Variants in ERBB4 observed in about 807,000 individuals in gnomAD.
ERBB4 encodes the protein receptor tyrosine-protein kinase erbB-4.
ERBB4 carries 42 observed loss-of-function variants against 158.0 expected under a neutral mutation model. The observed-to-expected ratio is 0.27, with a 90% confidence interval of 0.21 to 0.34. The LOEUF (loss-of-function observed/expected upper bound fraction) is 0.34. Ranked by LOEUF, ERBB4 falls within the 10% of genes least tolerant of loss-of-function variation. The pLI is 1.00. For synonymous variants in ERBB4, 583 were observed against 558.7 expected (o/e 1.04, Z -0.61); for missense variants, 1,333 against 1,624.1 (o/e 0.82, Z 3.08).
chr2:211,613,390 G>A (rs960532069), intron 19 of ERBB4, among the ~76,000 whole-genome samples: 9 of 151,750 alleles, frequency 5.9e-5, no homozygotes, highest in African/African-American at 2.2e-4. Flanking sequence ...AACTAGAAAG[G>A]CAGGAGAATG....
intron 20 of ERBB4, among the ~76,000 whole-genome samples, chr2:211,443,285 T>C (rs1346914794): frequency 6.6e-6 from 1 of 152,126 alleles, no homozygotes; most frequent in Non-Finnish European, 1.5e-5. Context: ...CTAATGATGA[T>C]TTTTATTACA....
rs555566603 is a variant in ERBB4 at position 211,562,080 on chromosome 2, C to T, written c.2310G>A (p.Leu770=). The T allele has an allele frequency of 6.2e-7, 1 of 1,613,238 alleles. No individual in the cohort carries two copies. The highest frequency in any genetic ancestry group is 1.7e-5 in the Admixed American group (1 of 60,016). Residue 770 remains leucine, a synonymous_variant, in exon 20 of 28, where the codon CTG becomes CTA. Transcript: ENST00000342788. The part of the protein sequence containing the change: ...KANVEFMDEA[L]IMASMDHPHL... ...GTGGATGATCCATACTTGCCATGATCAGAGCTTCCTGTAAGAAAAAAATGC... is the reference window on the plus strand; with the variant it reads ...GTGGATGATCCATACTTGCCATGATTAGAGCTTCCTGTAAGAAAAAAATGC...
At chr2:211,477,947 G>T (rs544278411) in intron 20 of ERBB4, among the ~76,000 whole-genome samples, 1 of 152,254 alleles carries the variant, frequency 6.6e-6, no homozygotes, top group South Asian at 2.1e-4. Flanking sequence ...GGTTGAGAAA[G>T]CACTTCACCA....
At chr2:211,482,598 ACCG>A (rs1278506102) in intron 20 of ERBB4, among the ~76,000 whole-genome samples, 1 of 152,128 alleles carries the variant, frequency 6.6e-6, no homozygotes, top group Non-Finnish European at 1.5e-5. Context: ...TAAAAGCAAT[ACCG>A]AGGATAAAAA....
In ERBB4 at chr2:212,531,337, C is replaced by T. The variant is rs541155270; in HGVS notation, c.82+7112G>A. 3.9e-5 allele frequency among the ~76,000 whole-genome samples: 6 copies of T among 152,216 alleles called. No homozygotes were observed. In the East Asian group the frequency reaches 1.2e-3, roughly 29 times the overall value. ...GGTCAAAAATATTGCAGTCAAAAGG[C>T]CCAGAGGTAGCATCTTACAGAAGCC... On this transcript the variant is annotated intron_variant, in intron 1 of 27. Coordinates refer to ENST00000342788, the MANE Select transcript of ERBB4 (RefSeq NM_005235.3).
chr2:212,477,604 T>G (rs183046008), intron 1 of ERBB4, among the ~76,000 whole-genome samples: 52 of 152,292 alleles, frequency 3.4e-4, no homozygotes, highest in African/African-American at 1.1e-3. Flanking sequence ...TAAGAAAACA[T>G]GTTTTTAAAA....
At chr2:212,119,159 C>T (rs979115439) in intron 2 of ERBB4, among the ~76,000 whole-genome samples, 4 of 152,052 alleles carry the variant, frequency 2.6e-5, no homozygotes, top group African/African-American at 7.2e-5. Context: ...TTAATGTATA[C>T]TATTTCTAAA....
intron 2 of ERBB4, among the ~76,000 whole-genome samples, chr2:212,048,501 T>A (rs1282055279): frequency 6.6e-6 from 1 of 152,144 alleles, no homozygotes; most frequent in African/African-American, 2.4e-5. Flanking sequence ...GATAGTTTGT[T>A]TAGCAGTGGA....
At chr2:211,759,521 T>C (rs1297295208) in intron 4 of ERBB4, among the ~76,000 whole-genome samples, 2 of 152,040 alleles carry the variant, frequency 1.3e-5, no homozygotes, top group African/African-American at 4.8e-5. Flanking sequence ...TCTCCTGCTG[T>C]TCCTAGGACA....
In ERBB4 at chr2:211,772,955, A is replaced by ATATATATATTTTT. The variant is rs1553630145; in HGVS notation, c.556+15069_556+15070insAAAAATATATATA. 7.8e-4 allele frequency among the ~76,000 whole-genome samples: 65 copies of ATATATATATTTTT among 83,296 alleles called. 1 individual carries two copies. The East Asian group carries it at 0.018, about 23-fold the overall frequency. The allele number at this position is 83,296 out of a possible 152,430, so 54.6% of individuals were successfully genotyped here. On this transcript the variant is annotated intron_variant, in intron 4 of 27. Coordinates refer to ENST00000342788, the MANE Select transcript of ERBB4 (RefSeq NM_005235.3). Reference sequence around the variant, plus strand: ...TATATATATATATATATATATATATATTTTTTTTTTTAAAGATGGGGTCCT... The same window carrying ATATATATATTTTT: ...TATATATATATATATATATATATATATATATATATTTTTTTTTTTTTTTTAAAGATGGGGTCCT...
At chr2:211,806,306 G>C (rs1357433762) in intron 3 of ERBB4, among the ~76,000 whole-genome samples, 1 of 152,024 alleles carries the variant, frequency 6.6e-6, no homozygotes, top group African/African-American at 2.4e-5. Context: ...TTCTCAACAG[G>C]GACACCGTGT....
intron 2 of ERBB4, among the ~76,000 whole-genome samples, chr2:211,956,975 C>T (rs182654287): frequency 3.4e-4 from 52 of 152,106 alleles, no homozygotes; most frequent in Non-Finnish European, 5.0e-4. Flanking sequence ...AGGACTACAG[C>T]TACACAACAC....
At chr2:212,103,619 C>T (rs1418662408) in intron 2 of ERBB4, among the ~76,000 whole-genome samples, 1 of 151,908 alleles carries the variant, frequency 6.6e-6, no homozygotes, top group African/African-American at 2.4e-5. Context: ...AGGACATACA[C>T]CAAATTTTAA....
chr2:212,499,015 C>A (rs1690735804), intron 1 of ERBB4, among the ~76,000 whole-genome samples: 1 of 151,822 alleles, frequency 6.6e-6, no homozygotes. Context: ...ATTTAAAGAT[C>A]TTCATATAAT....
intron 3 of ERBB4, among the ~76,000 whole-genome samples, chr2:211,806,092 C>G (rs780615820): frequency 2.0e-5 from 3 of 151,716 alleles, no homozygotes; most frequent in Non-Finnish European, 4.4e-5. Context: ...TTTAATCGAG[C>G]CAAATAATTT....
At chr2:212,408,942 A>G (rs13429255) in intron 1 of ERBB4, among the ~76,000 whole-genome samples, 13,374 of 152,246 alleles carry the variant, frequency 0.088, 814 homozygotes, top group Non-Finnish European at 0.14. Context: ...GTAGTTTCTC[A>G]TATCAGCTAT....
chr2:211,549,936 G>T (rs1470426735), intron 20 of ERBB4, among the ~76,000 whole-genome samples: 1 of 152,078 alleles, frequency 6.6e-6, no homozygotes, highest in Non-Finnish European at 1.5e-5. Context: ...ACCCTGTCGG[G>T]ACTTCCTTAT....
chr2:212,344,488 GT>G (rs2088883866), intron 1 of ERBB4, among the ~76,000 whole-genome samples: 1 of 151,998 alleles, frequency 6.6e-6, no homozygotes, highest in South Asian at 2.1e-4. Flanking sequence ...GTGTGTGTGT[GT>G]GTGTGTGTAT....
intron 12 of ERBB4, among the ~76,000 whole-genome samples, chr2:211,681,646 T>C (rs954428357): frequency 2.0e-5 from 3 of 152,174 alleles, no homozygotes; most frequent in Middle Eastern, 3.2e-3. Context: ...AATGTGTTTA[T>C]TTTTACATAT....
Sources: allele counts gnomAD v4.1 joint callset (sites outside exome capture counted in the v4.1 genomes callset), GRCh38; gene constraint gnomAD v4.1.1; transcripts MANE v1.5; gene names NCBI Gene and HGNC (gene_info 2026-07-23, HGNC 2026-07-21).